KCNAB1: variants seen among roughly 807,000 people sequenced by gnomAD.
KCNAB1 encodes the protein potassium voltage-gated channel subfamily A regulatory beta subunit 1.
Under a neutral mutation model 64.6 loss-of-function variants are expected in KCNAB1, and 35 were observed. The observed-to-expected ratio is 0.54, with a 90% CI of 0.41 to 0.72. The LOEUF is 0.72. Ranked by LOEUF, KCNAB1 falls within the 30% of genes least tolerant of loss-of-function variation. The probability of loss-of-function intolerance (pLI) is 0.00; values close to 1 mark genes in which losing one functional copy is unlikely to be tolerated. For missense variants in KCNAB1, 401 were observed against 512.9 expected (o/e 0.78, Z 2.11); for synonymous variants, 177 against 183.8 (o/e 0.96, Z 0.30).
intron 1 of KCNAB1, among the ~76,000 whole-genome samples, chr3:156,392,010 T>A (rs1713075889): frequency 6.6e-6 from 1 of 152,120 alleles, no homozygotes; most frequent in Non-Finnish European, 1.5e-5. Flanking sequence ...AACCGAAGTG[T>A]TCTTGGTATA....
At chr3:156,302,039 C>T (rs1721184363) in intron 1 of KCNAB1, among the ~76,000 whole-genome samples, 2 of 152,176 alleles carry the variant, frequency 1.3e-5, no homozygotes, top group Admixed American at 1.3e-4. Context: ...GTCAGCAAAG[C>T]TCCTTTTCTC....
intron 1 of KCNAB1, among the ~76,000 whole-genome samples, chr3:156,147,824 T>C (rs548831298): frequency 6.6e-6 from 1 of 152,230 alleles, no homozygotes; most frequent in African/African-American, 2.4e-5. Flanking sequence ...GTTGCACTTC[T>C]AGCTAGCAAC....
At chr3:156,455,776 T>A (rs1356020916) in intron 3 of KCNAB1, among the ~76,000 whole-genome samples, 1 of 152,064 alleles carries the variant, frequency 6.6e-6, no homozygotes, top group Non-Finnish European at 1.5e-5. Context: ...ATCGACTGCT[T>A]AAGAAAGGCA....
chr3:156,514,975 G>T, intron 9 of KCNAB1, 125 bp from the exon 10 acceptor site: 4 of 881,572 alleles, frequency 4.5e-6, no homozygotes, highest in East Asian at 2.8e-5. Context: ...CTTATTATTT[G>T]GCATCCTACA....
At chr3:156,185,480 A>G in intron 1 of KCNAB1, among the ~76,000 whole-genome samples, 1 of 152,244 alleles carries the variant, frequency 6.6e-6, no homozygotes. Flanking sequence ...GGAGAAAAAC[A>G]TACAAATGTA....
chr3:156,355,587 A>G (rs971597499), intron 1 of KCNAB1, among the ~76,000 whole-genome samples: 1 of 152,220 alleles, frequency 6.6e-6, no homozygotes, highest in African/African-American at 2.4e-5. Context: ...ATAAAGCCAA[A>G]TCATACTTAT....
At chr3:156,520,530 G>A (rs1717873790) in intron 11 of KCNAB1, among the ~76,000 whole-genome samples, 1 of 152,124 alleles carries the variant, frequency 6.6e-6, no homozygotes, top group Admixed American at 6.5e-5. Flanking sequence ...GTGAGCTGAG[G>A]TCATGCCACT....
intron 1 of KCNAB1, among the ~76,000 whole-genome samples, chr3:156,417,997 A>C (rs1016841401): frequency 4.6e-5 from 7 of 152,242 alleles, no homozygotes; most frequent in Admixed American, 3.9e-4. Context: ...ATTTGTTTCT[A>C]ATATTAGCAG....
intron 1 of KCNAB1, among the ~76,000 whole-genome samples, chr3:156,279,066 C>T (rs1447313108): frequency 6.6e-6 from 1 of 151,750 alleles, no homozygotes; most frequent in African/African-American, 2.4e-5. Flanking sequence ...GCTTCACCCA[C>T]TAACTCATCA....
chr3:156,263,503 A>G (rs1041095415), intron 1 of KCNAB1, among the ~76,000 whole-genome samples: 2 of 152,054 alleles, frequency 1.3e-5, no homozygotes, highest in African/African-American at 4.8e-5. Context: ...TTATAGCATG[A>G]ACCCTTTTAA....
intron 1 of KCNAB1, among the ~76,000 whole-genome samples, chr3:156,133,234 T>C (rs1267387216): frequency 6.6e-6 from 1 of 152,204 alleles, no homozygotes; most frequent in Non-Finnish European, 1.5e-5. Flanking sequence ...GCTCTTTCTG[T>C]CTCAAGCCTA....
At chr3:156,399,136 A>G (rs914414936) in intron 1 of KCNAB1, among the ~76,000 whole-genome samples, 2 of 152,234 alleles carry the variant, frequency 1.3e-5, no homozygotes, top group Admixed American at 6.5e-5. Context: ...GATATAAAAG[A>G]TACACCAGCA....
chr3:156,275,930 A>G (rs1425753684), intron 1 of KCNAB1, among the ~76,000 whole-genome samples: 1 of 152,032 alleles, frequency 6.6e-6, no homozygotes, highest in Non-Finnish European at 1.5e-5. Context: ...ATAAATCACA[A>G]ATGTTCTTAA....
chr3:156,383,265 G>A (rs1364632845), intron 1 of KCNAB1, among the ~76,000 whole-genome samples: 1 of 152,134 alleles, frequency 6.6e-6, no homozygotes, highest in Non-Finnish European at 1.5e-5. Flanking sequence ...CAACTTGGCA[G>A]CTGGAATTTC....
intron 1 of KCNAB1, among the ~76,000 whole-genome samples, chr3:156,310,907 T>C (rs1041044325): frequency 1.1e-4 from 16 of 152,088 alleles, no homozygotes; most frequent in African/African-American, 3.9e-4. Context: ...TTCAAGAAAA[T>C]GAGCTAGGGC....
chr3:156,487,581 A>G (rs1466261907), intron 8 of KCNAB1, among the ~76,000 whole-genome samples: 1 of 152,160 alleles, frequency 6.6e-6, no homozygotes, highest in Non-Finnish European at 1.5e-5. Context: ...AATTTTGACA[A>G]TCCAAATATA....
At chr3:156,449,782 A>G (rs1413868771) in intron 2 of KCNAB1, among the ~76,000 whole-genome samples, 2 of 152,214 alleles carry the variant, frequency 1.3e-5, no homozygotes, top group Non-Finnish European at 2.9e-5. Flanking sequence ...GAATTTCCCA[A>G]AAAGTTACCT....
At chr3:156,449,369 G>T (rs1711826058) in intron 2 of KCNAB1, among the ~76,000 whole-genome samples, 1 of 152,058 alleles carries the variant, frequency 6.6e-6, no homozygotes, top group African/African-American at 2.4e-5. Flanking sequence ...GAGGGTGGTT[G>T]GTTTTTTTCA....
intron 1 of KCNAB1, among the ~76,000 whole-genome samples, chr3:156,392,990 CCT>C (rs1553740226): frequency 6.6e-6 from 1 of 151,972 alleles, no homozygotes; most frequent in Non-Finnish European, 1.5e-5. Flanking sequence ...GGAAGTTTTC[CCT>C]GTTTTTCTAT....
Sources: allele counts gnomAD v4.1 joint callset (sites outside exome capture counted in the v4.1 genomes callset), GRCh38; gene constraint gnomAD v4.1.1; transcripts MANE v1.5; gene names NCBI Gene and HGNC (gene_info 2026-07-23, HGNC 2026-07-21).